PCM1: variants seen among roughly 807,000 people sequenced by gnomAD.
PCM1 encodes pericentriolar material 1 protein.
PCM1 carries 157 observed loss-of-function variants against 241.9 expected under a neutral mutation model. The ratio of observed to expected loss-of-function variants is 0.65; its 90% CI spans 0.57 to 0.74. PCM1 has a LOEUF of 0.74. PCM1 is among the 30% of genes least tolerant of loss of function. The pLI, the probability that PCM1 is intolerant of heterozygous loss-of-function variation, is 0.00. For synonymous variants in PCM1, 1,085 were observed against 784.9 expected, an observed-to-expected ratio of 1.38 and a Z score of -6.39; for missense variants, 3,478 against 2,360.1, an observed-to-expected ratio of 1.47 and a Z score of -9.81.
At chr8:17,987,893 A>G (rs578215355) in intron 26 of PCM1, among the ~76,000 whole-genome samples, 285 of 151,982 alleles carry the variant, frequency 1.9e-3, no homozygotes, top group African/African-American at 6.6e-3. Flanking sequence ...TTAAATAGCC[A>G]TATGGTGTTT....
At chr8:17,940,630 G>A (rs967165412) in intron 6 of PCM1, among the ~76,000 whole-genome samples, 82 of 152,160 alleles carry the variant, frequency 5.4e-4, no homozygotes, top group African/African-American at 2.0e-3. Flanking sequence ...AAAACCAGAT[G>A]ACTGAAAAAT....
rs780244883 is a variant in PCM1 at position 17,931,270 on chromosome 8, T to TAA, written c.-22-4316_-22-4315dup. Among the ~76,000 whole-genome samples the TAA allele has an allele frequency of 3.4e-4, 52 of 152,232 alleles. 1 individual carries two copies. The highest frequency in any genetic ancestry group is 1.9e-3 in the Admixed American group (29 of 15,284). ...TATTGTGATAGGGAAATAGAATGCGTAAAACATTCTTTCTCCAGATATATT... is the reference window on the plus strand; with the variant it reads ...TATTGTGATAGGGAAATAGAATGCGTAAAAAACATTCTTTCTCCAGATATATT... On this transcript the variant is annotated intron_variant, in intron 2 of 38. Coordinates refer to ENST00000325083, the MANE Select transcript of PCM1 (RefSeq NM_006197.4).
At chr8:17,926,062 G>C (rs1016668089) in intron 2 of PCM1, 2 of 151,792 alleles carry the variant, frequency 1.3e-5, no homozygotes. Flanking sequence ...TCAAGGGAAA[G>C]GTCACATGTG....
At position 17,980,615 on chromosome 8, in the gene PCM1, G is replaced by A. The variant is rs1033394877; in HGVS notation, c.3968G>A (p.Ser1323Asn). ...GGGTATGAAAGTGCCAGTATGTCTAGCACATGTGAACCTTGCAAAAGTAGG... is the reference window on the plus strand; with the variant it reads ...GGGTATGAAAGTGCCAGTATGTCTAACACATGTGAACCTTGCAAAAGTAGG... ...NIRYESASMS[S>N]TCEPCKSRNR... is the part of the protein sequence containing the mutation. The change falls in exon 24 of 39, where the codon AGC becomes AAC. Residue 1323 changes from serine to asparagine, a missense_variant. Physicochemically the swap from Ser to Asn is conservative, Grantham distance 46. Transcript: ENST00000325083. 6.2e-7 allele frequency: 1 copy of A among 1,608,888 alleles called. No homozygotes were observed. Among genetic ancestry groups the A allele is most frequent in the East Asian group, 2.2e-5 (1 of 44,798 alleles).
intron 19 of PCM1, 28 bp from the exon 20 acceptor site, chr8:17,966,300 A>G (rs1309734201): frequency 1.9e-5 from 31 of 1,611,024 alleles, no homozygotes; most frequent in Non-Finnish European, 2.5e-5. Flanking sequence ...GTCATCAGTA[A>G]CTATTAACAA....
chr8:17,983,351 G>A (rs1238637873), intron 24 of PCM1: 11 of 967,150 alleles, frequency 1.1e-5, no homozygotes, highest in South Asian at 9.8e-5. Flanking sequence ...GGTCCTAAAG[G>A]TTTTATTGTC....
intron 23 of PCM1, among the ~76,000 whole-genome samples, chr8:17,978,782 T>G (rs1482217983): frequency 6.6e-6 from 1 of 152,180 alleles, no homozygotes; most frequent in Non-Finnish European, 1.5e-5. Flanking sequence ...CTCACTAATA[T>G]AAATTCAAAA....
At chr8:17,999,562 T>A (rs2088422425) in intron 29 of PCM1, among the ~76,000 whole-genome samples, 1 of 151,760 alleles carries the variant, frequency 6.6e-6, no homozygotes, top group African/African-American at 2.4e-5. Context: ...TTTTACTCCT[T>A]GCTCTCGTCT....
intron 30 of PCM1, among the ~76,000 whole-genome samples, chr8:18,007,819 T>C (rs190729826): frequency 6.6e-6 from 1 of 152,224 alleles, no homozygotes; most frequent in African/African-American, 2.4e-5. Flanking sequence ...TTACCATAAC[T>C]GTACTAGATA....
intron 6 of PCM1, among the ~76,000 whole-genome samples, chr8:17,940,556 CA>C (rs2061715775): frequency 6.6e-6 from 1 of 152,120 alleles, no homozygotes; most frequent in Admixed American, 6.5e-5. Flanking sequence ...GTTCATTTGT[CA>C]CTGAGGACAC....
At chr8:17,939,545 CAT>C (rs1433211227) in intron 5 of PCM1, 144 bp from the exon 6 acceptor site, 12 of 430,580 alleles carry the variant, frequency 2.8e-5, no homozygotes, top group East Asian at 2.1e-4. Flanking sequence ...AGATTTTTTG[CAT>C]GTGTTAATTC....
At chr8:18,009,474 G>A in intron 30 of PCM1, 73 bp from the exon 31 acceptor site, 2 of 945,042 alleles carry the variant, frequency 2.1e-6, no homozygotes, top group Non-Finnish European at 3.2e-6. Context: ...AAGTTTTTCA[G>A]TACTTAAAAG....
At chr8:18,017,032 A>G (rs949062458) in intron 36 of PCM1, among the ~76,000 whole-genome samples, 3 of 152,214 alleles carry the variant, frequency 2.0e-5, no homozygotes, top group African/African-American at 7.2e-5. Context: ...GATATTAGCC[A>G]CTGGGGAAGC....
intron 7 of PCM1, 111 bp downstream of exon 7, chr8:17,947,474 G>T (rs1206884989): frequency 4.9e-6 from 4 of 815,112 alleles, no homozygotes; most frequent in Admixed American, 2.6e-5. Flanking sequence ...GTCTAGTTTA[G>T]AAACCTTCAT....
At chr8:17,946,172 C>A (rs1342608151) in intron 6 of PCM1, among the ~76,000 whole-genome samples, 1 of 151,986 alleles carries the variant, frequency 6.6e-6, no homozygotes, top group African/African-American at 2.4e-5. Flanking sequence ...TTATTTAATC[C>A]ATCCCTCTAC....
intron 23 of PCM1, among the ~76,000 whole-genome samples, chr8:17,972,997 A>G (rs187186157): frequency 3.2e-4 from 48 of 152,152 alleles, no homozygotes; most frequent in African/African-American, 1.1e-3. Context: ...TTCTTTTGCT[A>G]TTGTATCAGA....
At chr8:17,949,453 T>C (rs1307172181) in intron 7 of PCM1, among the ~76,000 whole-genome samples, 1 of 152,102 alleles carries the variant, frequency 6.6e-6, no homozygotes, top group Non-Finnish European at 1.5e-5. Flanking sequence ...GGTAGTGTTT[T>C]CCTTTAAAAC....
intron 6 of PCM1, among the ~76,000 whole-genome samples, chr8:17,941,675 G>T (rs566732276): frequency 1.3e-5 from 2 of 152,030 alleles, no homozygotes; most frequent in African/African-American, 2.4e-5. Context: ...CTGAGAATTC[G>T]GCCGTGCATT....
chr8:17,926,427 A>G (rs959987657), intron 2 of PCM1: 6 of 152,230 alleles, frequency 3.9e-5, no homozygotes, highest in African/African-American at 1.2e-4. Context: ...TGTAATGACT[A>G]CTACAGATAA....
Sources: gnomAD v4.1 joint callset for allele counts (sites outside exome capture counted in the v4.1 genomes callset) on GRCh38, gnomAD v4.1.1 for gene constraint, MANE v1.5 for transcripts, NCBI Gene and HGNC (gene_info 2026-07-23, HGNC 2026-07-21) for gene names.